KCNT2: variants seen among roughly 807,000 people sequenced by gnomAD.
KCNT2 encodes the protein potassium channel subfamily T member 2.
Under a neutral mutation model 153.8 loss-of-function variants are expected in KCNT2, and 67 were observed. The ratio of observed to expected loss-of-function variants is 0.44; its 90% confidence interval spans 0.36 to 0.53. The LOEUF is 0.53. Ranked by LOEUF, KCNT2 falls within the 20% of genes least tolerant of loss-of-function variation. The pLI is 0.00. For synonymous variants in KCNT2, 500 were observed against 458.8 expected (o/e 1.09, Z -1.15); for missense variants, 975 against 1,354.8 (o/e 0.72, Z 4.40).
chr1:196,466,491 T>C (rs1435708698), intron 7 of KCNT2, among the ~76,000 whole-genome samples: 8 of 152,088 alleles, frequency 5.3e-5, no homozygotes, highest in Non-Finnish European at 1.2e-4. Context: ...AGTCATAATG[T>C]CATTTTAAAA....
intron 25 of KCNT2, among the ~76,000 whole-genome samples, chr1:196,271,928 T>C (rs1305647380): frequency 6.6e-6 from 1 of 152,006 alleles, no homozygotes; most frequent in Non-Finnish European, 1.5e-5. Context: ...CAATGAAGAA[T>C]GATGAAGTAA....
intron 8 of KCNT2, among the ~76,000 whole-genome samples, chr1:196,432,535 G>A (rs992983958): frequency 1.3e-5 from 2 of 152,154 alleles, no homozygotes; most frequent in African/African-American, 4.8e-5. Context: ...AAGACATGGA[G>A]TCAAAAAGTA....
intron 18 of KCNT2, among the ~76,000 whole-genome samples, chr1:196,327,940 T>A (rs1290051157): frequency 6.6e-6 from 1 of 152,016 alleles, no homozygotes; most frequent in Non-Finnish European, 1.5e-5. Flanking sequence ...CTCGGACACC[T>A]CTGGAATATT....
In KCNT2 at chr1:196,477,729, C is replaced by G. The variant is rs1190842215; in HGVS notation, c.384+1450G>C. ...ATGATTATGACAACCACTCCAATGA[C>G]TTTCTATCTTTTCTAACTTCTCTGT... On this transcript the variant is annotated intron_variant, in intron 5 of 27. Coordinates refer to ENST00000294725, the MANE Select transcript of KCNT2 (RefSeq NM_198503.5). 3.3e-5 allele frequency among the ~76,000 whole-genome samples: 5 copies of G among 152,180 alleles called. No homozygotes were observed. The East Asian group carries it at 9.6e-4, about 29-fold the overall frequency.
At chr1:196,287,080 T>A (rs1457570118) in intron 22 of KCNT2, among the ~76,000 whole-genome samples, 1 of 152,102 alleles carries the variant, frequency 6.6e-6, no homozygotes, top group Non-Finnish European at 1.5e-5. Context: ...TTGAGATGAC[T>A]ATCACTATAA....
At chr1:196,356,068 A>T (rs1163687177) in intron 14 of KCNT2, among the ~76,000 whole-genome samples, 2 of 151,832 alleles carry the variant, frequency 1.3e-5, no homozygotes, top group Non-Finnish European at 2.9e-5. Flanking sequence ...GTAGGAACTT[A>T]CAAAGCTCCT....
At chr1:196,474,478 G>A (rs1678363672) in intron 5 of KCNT2, among the ~76,000 whole-genome samples, 2 of 152,110 alleles carry the variant, frequency 1.3e-5, no homozygotes, top group Admixed American at 1.3e-4. Context: ...AACAAGATAA[G>A]CAGAATCAAC....
At chr1:196,256,910 A>G (rs1164317851) in intron 26 of KCNT2, among the ~76,000 whole-genome samples, 1 of 152,010 alleles carries the variant, frequency 6.6e-6, no homozygotes, top group Non-Finnish European at 1.5e-5. Context: ...GCAGATAGCT[A>G]TTAGTGGATT....
At chr1:196,544,155 C>T (rs1656749204) in intron 1 of KCNT2, among the ~76,000 whole-genome samples, 1 of 152,102 alleles carries the variant, frequency 6.6e-6, no homozygotes, top group African/African-American at 2.4e-5. Flanking sequence ...TTATGGCATT[C>T]ACATGCAAAA....
rs144419816 is a variant in KCNT2 at position 196,364,219 on chromosome 1, C to T, written c.1403+8921G>A. Among the ~76,000 whole-genome samples the T allele has an allele frequency of 9.8e-4, 149 of 152,204 alleles. 3 individuals are homozygous for T. The East Asian group carries it at 0.022, about 23-fold the overall frequency. ...TTAAGGGAAGTTTATGTATGGAAAG[C>T]GTATGTGTGAACTCTACTGGTTTTC... is the stretch of plus-strand genomic sequence containing the variant. On this transcript the variant is annotated intron_variant, in intron 14 of 27. Transcript: ENST00000294725.
intron 1 of KCNT2, among the ~76,000 whole-genome samples, chr1:196,597,172 T>C (rs1053581637): frequency 2.6e-5 from 4 of 152,160 alleles, no homozygotes; most frequent in African/African-American, 9.7e-5. Flanking sequence ...CATTCTATTA[T>C]AGTATCTATT....
Position 196,464,582 on chromosome 1 carries a change from C to T in KCNT2, c.638+711G>A, listed in dbSNP as rs75347134. Among the ~76,000 whole-genome samples, 215 of 151,910 alleles carry T rather than the reference C, an allele frequency of 1.4e-3. 2 individuals carry two copies. Among genetic ancestry groups the T allele is most frequent in the African/African-American group, 5.0e-3 (208 of 41,502 alleles). ...TTTCTCAATAGGGTCAGACCCAGGT[C>T]ACAGCACAATTACACATATCTAAGA... On this transcript the variant is annotated intron_variant, in intron 8 of 27. Coordinates refer to ENST00000294725, the MANE Select transcript of KCNT2 (RefSeq NM_198503.5).
intron 16 of KCNT2, among the ~76,000 whole-genome samples, chr1:196,337,536 C>T (rs1665153412): frequency 6.6e-6 from 1 of 152,060 alleles, no homozygotes; most frequent in Non-Finnish European, 1.5e-5. Context: ...CCTCTTTCTA[C>T]CTGTTCGTCC....
chr1:196,450,917 T>C (rs1371577606), intron 8 of KCNT2, among the ~76,000 whole-genome samples: 3 of 152,070 alleles, frequency 2.0e-5, no homozygotes, highest in South Asian at 4.1e-4. Flanking sequence ...TTTATTTGAA[T>C]ACTTCATTTA....
At chr1:196,506,662 G>A (rs963368014) in intron 1 of KCNT2, among the ~76,000 whole-genome samples, 9 of 152,172 alleles carry the variant, frequency 5.9e-5, no homozygotes, top group African/African-American at 1.7e-4. Flanking sequence ...AATACCACAA[G>A]AGCCTTGATC....
intron 13 of KCNT2, among the ~76,000 whole-genome samples, chr1:196,386,934 A>G (rs886351148): frequency 6.6e-6 from 1 of 152,036 alleles, no homozygotes; most frequent in Non-Finnish European, 1.5e-5. Flanking sequence ...ATTTATATAT[A>G]TTTCACTAAC....
At chr1:196,443,383 G>A (rs1275570051) in intron 8 of KCNT2, among the ~76,000 whole-genome samples, 1 of 151,496 alleles carries the variant, frequency 6.6e-6, no homozygotes, top group Non-Finnish European at 1.5e-5. Context: ...TGAGGCCTCA[G>A]CTTGATTCTC....
chr1:196,383,289 T>G (rs946336801), intron 13 of KCNT2, among the ~76,000 whole-genome samples: 25 of 152,198 alleles, frequency 1.6e-4, no homozygotes, highest in Non-Finnish European at 3.4e-4. Flanking sequence ...CACCTATGAT[T>G]TTGATATAGC....
At chr1:196,379,243 C>G (rs1000089154) in intron 13 of KCNT2, among the ~76,000 whole-genome samples, 1 of 151,902 alleles carries the variant, frequency 6.6e-6, no homozygotes, top group South Asian at 2.1e-4. Flanking sequence ...GCTTCTAATT[C>G]CCCTCCTTTG....
Sources: allele counts gnomAD v4.1 joint callset (sites outside exome capture counted in the v4.1 genomes callset), GRCh38; gene constraint gnomAD v4.1.1; transcripts MANE v1.5; gene names NCBI Gene and HGNC (gene_info 2026-07-23, HGNC 2026-07-21).